FRMD3: variants seen among roughly 807,000 people sequenced by gnomAD.
The protein encoded by FRMD3 is FERM domain containing 3, also known as FERM domain-containing protein 3.
Under a neutral mutation model 70.2 loss-of-function variants are expected in FRMD3, and 33 were observed. The ratio of observed to expected loss-of-function variants is 0.47; its 90% CI spans 0.36 to 0.63. FRMD3 has a LOEUF of 0.63. FRMD3 is among the 20% of genes least tolerant of loss of function. The pLI is 0.00. For synonymous variants in FRMD3, 279 were observed against 255.9 expected (o/e 1.09, Z -0.86); for missense variants, 632 against 711.4 (o/e 0.89, Z 1.27).
intron 1 of FRMD3, among the ~76,000 whole-genome samples, chr9:83,457,922 TC>T (rs1357883319): frequency 2.1e-5 from 3 of 145,788 alleles, no homozygotes; most frequent in East Asian, 4.2e-4. Context: ...TTGTTATTCC[TC>T]AAGTATACCT....
intron 1 of FRMD3, among the ~76,000 whole-genome samples, chr9:83,425,039 C>T (rs756947935): frequency 2.0e-5 from 3 of 152,216 alleles, no homozygotes; most frequent in Non-Finnish European, 4.4e-5. Flanking sequence ...CTGGCAGCCT[C>T]TTCTCCCAGC....
At chr9:83,467,447 CT>C (rs1225800550) in intron 1 of FRMD3, among the ~76,000 whole-genome samples, 1 of 152,172 alleles carries the variant, frequency 6.6e-6, no homozygotes, top group Non-Finnish European at 1.5e-5. Flanking sequence ...TAAAAGGCTC[CT>C]CTAAGATACT....
intron 1 of FRMD3, among the ~76,000 whole-genome samples, chr9:83,500,492 G>A (rs1181876947): frequency 7.5e-6 from 1 of 132,558 alleles, no homozygotes; most frequent in Admixed American, 7.8e-5. Flanking sequence ...AGTGCTTGGC[G>A]TGTATGCGCG....
chr9:83,400,557 C>A (rs1002087342), intron 1 of FRMD3, among the ~76,000 whole-genome samples: 1 of 152,064 alleles, frequency 6.6e-6, no homozygotes, highest in Non-Finnish European at 1.5e-5. Context: ...TGTGAAAAGG[C>A]AAAAGATTTA....
chr9:83,402,245 G>T (rs957742987), intron 1 of FRMD3, among the ~76,000 whole-genome samples: 1 of 148,654 alleles, frequency 6.7e-6, no homozygotes, highest in African/African-American at 2.5e-5. Context: ...TAACGCCCCA[G>T]GAGCCTAACA....
At chr9:83,542,685 A>T (rs555048082), upstream of FRMD3, among the ~76,000 whole-genome samples, 20 of 152,372 alleles carry the variant, frequency 1.3e-4, no homozygotes, top group Non-Finnish European at 2.8e-4. Context: ...GACTGATATT[A>T]CCTGACTTTA....
In FRMD3 at chr9:83,328,175, T is replaced by G. The variant is rs1836096400; in HGVS notation, c.596+7341A>C. ...TTAATTTCTCAGAACTCTGTTTCCTTATCTGTAAAAAAAAAAAAAAATGGT... is the reference window on the plus strand; with the variant it reads ...TTAATTTCTCAGAACTCTGTTTCCTGATCTGTAAAAAAAAAAAAAAATGGT... On this transcript the variant is annotated intron_variant, in intron 6 of 13. Transcript: ENST00000304195. Among the ~76,000 whole-genome samples, 3 of 135,792 alleles carry G rather than the reference T, an allele frequency of 2.2e-5. No individual in the cohort carries two copies. The South Asian group carries it at 6.8e-4, about 31-fold the overall frequency. 89.1% of individuals were successfully genotyped at this position (135,792 alleles called of 152,430 possible).
At chr9:83,477,276 G>C (rs186587379) in intron 1 of FRMD3, among the ~76,000 whole-genome samples, 51 of 152,276 alleles carry the variant, frequency 3.3e-4, no homozygotes, top group Admixed American at 2.6e-3. Flanking sequence ...TGAGTGGAGA[G>C]AGATGCAAGA....
At chr9:83,499,681 A>G (rs4877783) in intron 1 of FRMD3, among the ~76,000 whole-genome samples, 64,373 of 152,030 alleles carry the variant, frequency 0.42, 14,282 homozygotes, top group Middle Eastern at 0.49. Flanking sequence ...AGCTTCATTC[A>G]CTGTTGGTGG....
At chr9:83,317,815 T>A (rs1835643695) in intron 6 of FRMD3, among the ~76,000 whole-genome samples, 1 of 152,074 alleles carries the variant, frequency 6.6e-6, no homozygotes. Flanking sequence ...CTCTAGGACA[T>A]CTGTTCATCA....
chr9:83,341,306 A>G lies in FRMD3; in HGVS notation c.472+1884T>C, dbSNP rs1032327764. The stretch of plus-strand genomic sequence containing the variant: ...CCACAGTGTCTGTGTGAGTGTGGTC[A>G]GTAATAATAGCAATGAGGGATAAAA... On this transcript the variant is annotated intron_variant, in intron 5 of 13. Transcript: ENST00000304195. Among the ~76,000 whole-genome samples, 64 of 152,162 alleles carry G rather than the reference A, an allele frequency of 4.2e-4. 1 individual carries two copies. Among genetic ancestry groups the G allele is most frequent in the African/African-American group, 1.5e-3 (62 of 41,436 alleles).
downstream of FRMD3, chr9:83,243,096 C>G: frequency 1.8e-6 from 2 of 1,141,612 alleles, no homozygotes; most frequent in Non-Finnish European, 2.6e-6. Flanking sequence ...GCCGAGCCCA[C>G]TGGGTGGGGC....
At position 83,510,340 on chromosome 9, in the gene FRMD3, T is replaced by C. The variant is rs372099652; in HGVS notation, c.147+27745A>G. ...ATCCACTTTACCACTTCAAATCCAC[T>C]AGGATGACTACACTCAAAAAGTCAG... On this transcript the variant is annotated intron_variant, in intron 1 of 13. Transcript: ENST00000304195. 2.9e-4 allele frequency among the ~76,000 whole-genome samples: 44 copies of C among 152,278 alleles called. 4 individuals carry two copies. Among genetic ancestry groups the C allele is most frequent in the African/African-American group, 1.0e-3 (43 of 41,548 alleles).
chr9:83,259,654 C>T (rs945981972), intron 13 of FRMD3, among the ~76,000 whole-genome samples: 1 of 152,060 alleles, frequency 6.6e-6, no homozygotes. Context: ...AGGATGGTAG[C>T]GAGAACATTA....
chr9:83,500,511 C>CACACACAT (rs1829043090), intron 1 of FRMD3, among the ~76,000 whole-genome samples: 1 of 150,872 alleles, frequency 6.6e-6, no homozygotes, highest in African/African-American at 2.4e-5. Flanking sequence ...CGCACACACA[C>CACACACAT]ACACACACAC....
chr9:83,503,202 A>C (rs187104611), intron 1 of FRMD3, among the ~76,000 whole-genome samples: 24 of 152,298 alleles, frequency 1.6e-4, no homozygotes, highest in African/African-American at 5.8e-4. Context: ...GCTATGTTAC[A>C]TGGCACAATT....
At chr9:83,546,775 C>A in the FRMD3 span, among the ~76,000 whole-genome samples, 6 of 149,984 alleles carry the variant, frequency 4.0e-5, no homozygotes, top group Non-Finnish European at 7.4e-5. Context: ...TACCTGTATC[C>A]CAGCTACTTG....
At chr9:83,321,472 G>T (rs1835798687) in intron 6 of FRMD3, among the ~76,000 whole-genome samples, 1 of 152,092 alleles carries the variant, frequency 6.6e-6, no homozygotes, top group Non-Finnish European at 1.5e-5. Flanking sequence ...TAATTTATAT[G>T]TATTGTACAG....
chr9:83,394,342 AG>A (rs965258327), intron 1 of FRMD3, among the ~76,000 whole-genome samples: 8 of 152,206 alleles, frequency 5.3e-5, no homozygotes, highest in African/African-American at 1.9e-4. Context: ...CTATTTCAAA[AG>A]AATTTGTGTG....
Sources: gnomAD v4.1 joint callset for allele counts (sites outside exome capture counted in the v4.1 genomes callset) on GRCh38, gnomAD v4.1.1 for gene constraint, MANE v1.5 for transcripts, NCBI Gene and HGNC (gene_info 2026-07-23, HGNC 2026-07-21) for gene names.